Variants in SRGAP3 observed in about 807,000 individuals in gnomAD.
SRGAP3 encodes the protein SLIT-ROBO Rho GTPase activating protein 3, also known as SLIT-ROBO Rho GTPase-activating protein 3.
SRGAP3 carries 39 observed loss-of-function variants against 121.1 expected under a neutral mutation model. The observed-to-expected ratio is 0.32, with a 90% CI of 0.25 to 0.42. SRGAP3 has a LOEUF of 0.42. SRGAP3 is among the 10% of genes least tolerant of loss of function. The probability of loss-of-function intolerance (pLI) is 1.00; values close to 1 mark genes in which losing one functional copy is unlikely to be tolerated. For missense variants in SRGAP3, 1,213 were observed against 1,470.6 expected (o/e 0.82, Z 2.86); for synonymous variants, 601 against 570.0 (o/e 1.05, Z -0.77).
intron 3 of SRGAP3, among the ~76,000 whole-genome samples, chr3:9,295,072 C>A (rs1194374060): frequency 1.3e-5 from 2 of 152,094 alleles, no homozygotes; most frequent in African/African-American, 2.4e-5. Context: ...TTACTTGTTA[C>A]AAAGGCTTAT....
intron 3 of SRGAP3, among the ~76,000 whole-genome samples, chr3:9,314,584 C>T (rs780811802): frequency 1.3e-5 from 2 of 152,082 alleles, no homozygotes; most frequent in Non-Finnish European, 2.9e-5. Context: ...AGATGTAATA[C>T]TGGGTGAGTT....
At chr3:9,311,489 A>G (rs1231267275) in intron 3 of SRGAP3, among the ~76,000 whole-genome samples, 1 of 152,226 alleles carries the variant, frequency 6.6e-6, no homozygotes, top group Non-Finnish European at 1.5e-5. Context: ...CAATCCATCA[A>G]GTCTGTCGCA....
chr3:9,059,860 CT>C (rs759737370), intron 6 of SRGAP3: 10 of 324,830 alleles, frequency 3.1e-5, no homozygotes, highest in Non-Finnish European at 6.0e-5. Flanking sequence ...CTAATAACAT[CT>C]CCTTTACCAC....
chr3:9,302,579 T>A (rs1670154884), intron 3 of SRGAP3, among the ~76,000 whole-genome samples: 1 of 152,160 alleles, frequency 6.6e-6, no homozygotes, highest in Admixed American at 6.5e-5. Flanking sequence ...CTGGAGCCTG[T>A]GGGTGGCTCT....
chr3:9,282,837 T>C (rs558542391), intron 3 of SRGAP3, among the ~76,000 whole-genome samples: 1 of 152,264 alleles, frequency 6.6e-6, no homozygotes, highest in South Asian at 2.1e-4. Context: ...CTCACACAGA[T>C]AAATATAGTT....
At chr3:9,059,532 G>C (rs545404205) in intron 6 of SRGAP3, 1 of 154,402 alleles carries the variant, frequency 6.5e-6, no homozygotes, top group East Asian at 1.9e-4. Flanking sequence ...ACATGGACAG[G>C]GCCAGCTCCC....
intron 18 of SRGAP3, among the ~76,000 whole-genome samples, chr3:9,009,100 T>C (rs1210119754): frequency 2.0e-5 from 3 of 152,212 alleles, no homozygotes; most frequent in Non-Finnish European, 4.4e-5. Context: ...TTTTCAGGTA[T>C]AGGAACTTAC....
At chr3:9,249,773 G>C (rs117506849), upstream of SRGAP3, 407 of 211,208 alleles carry the variant, frequency 1.9e-3, 6 homozygotes, top group East Asian at 0.023. Flanking sequence ...AGCAAAAAGG[G>C]GAAGAAACGC....
At chr3:9,213,016 C>A (rs986129393) in intron 1 of SRGAP3, among the ~76,000 whole-genome samples, 1 of 152,180 alleles carries the variant, frequency 6.6e-6, no homozygotes, top group Non-Finnish European at 1.5e-5. Context: ...CAGCTCCATG[C>A]CGGGGCAAAT....
At chr3:9,311,574 A>G (rs919893036) in intron 3 of SRGAP3, among the ~76,000 whole-genome samples, 1 of 152,218 alleles carries the variant, frequency 6.6e-6, no homozygotes, top group African/African-American at 2.4e-5. Context: ...CTGCACCCAA[A>G]TACAACTGTA....
intron 3 of SRGAP3, among the ~76,000 whole-genome samples, chr3:9,098,497 C>T (rs891924575): frequency 4.6e-5 from 7 of 152,110 alleles, no homozygotes; most frequent in Non-Finnish European, 1.0e-4. Flanking sequence ...AACATCTGAG[C>T]TCAAGCGATC....
At chr3:9,269,272 C>T (rs868083343) in intron 3 of SRGAP3, among the ~76,000 whole-genome samples, 9 of 152,150 alleles carry the variant, frequency 5.9e-5, no homozygotes, top group Non-Finnish European at 8.8e-5. Flanking sequence ...CCAAGGAGGA[C>T]CAAAGTCAGG....
Position 9,029,062 on chromosome 3 carries a change from T to C in SRGAP3, c.1540-2067A>G, listed in dbSNP as rs1306712768. On this transcript the variant is annotated intron_variant, in intron 12 of 21. Transcript: ENST00000383836. ...AGAGTCATCTGTCCAGTTCTCAGCA[T>C]CTCGACAGCTGGAATTGTCTGCTAC... is the stretch of plus-strand genomic sequence containing the variant. 3.3e-5 allele frequency among the ~76,000 whole-genome samples: 5 copies of C among 152,134 alleles called. No homozygotes were observed. In the East Asian group the frequency reaches 9.6e-4, roughly 29 times the overall value.
chr3:9,200,354 A>G (rs941999861), intron 1 of SRGAP3, among the ~76,000 whole-genome samples: 2 of 152,160 alleles, frequency 1.3e-5, no homozygotes, highest in African/African-American at 4.8e-5. Flanking sequence ...CATTCACTCA[A>G]TATGTATTTG....
intron 3 of SRGAP3, among the ~76,000 whole-genome samples, chr3:9,097,424 A>T (rs1948030499): frequency 6.6e-6 from 1 of 152,184 alleles, no homozygotes; most frequent in African/African-American, 2.4e-5. Flanking sequence ...AAACTGAGAG[A>T]GTTTAAGGGA....
chr3:9,057,950 C>T (rs1214135986), intron 7 of SRGAP3, among the ~76,000 whole-genome samples: 2 of 152,118 alleles, frequency 1.3e-5, no homozygotes, highest in Non-Finnish European at 2.9e-5. Context: ...ACCTCACCCG[C>T]ACATGTGGGG....
intron 3 of SRGAP3, among the ~76,000 whole-genome samples, chr3:9,303,185 GAGGCCT>G (rs929801609): frequency 6.6e-6 from 1 of 152,054 alleles, no homozygotes; most frequent in Non-Finnish European, 1.5e-5. Context: ...AGCACTTTGG[GAGGCCT>G]AGGCGGGCAG....
intron 1 of SRGAP3, among the ~76,000 whole-genome samples, chr3:9,206,408 C>T (rs1321585020): frequency 6.6e-6 from 1 of 152,190 alleles, no homozygotes; most frequent in East Asian, 1.9e-4. Flanking sequence ...TTCAATATGG[C>T]TTCCCACATG....
chr3:9,182,550 A>G (rs1951447804), intron 1 of SRGAP3, among the ~76,000 whole-genome samples: 1 of 152,162 alleles, frequency 6.6e-6, no homozygotes, highest in South Asian at 2.1e-4. Flanking sequence ...ACCATGAGAC[A>G]ATACATTTCT....
Sources: gnomAD v4.1 joint callset for allele counts (sites outside exome capture counted in the v4.1 genomes callset) on GRCh38, gnomAD v4.1.1 for gene constraint, MANE v1.5 for transcripts, NCBI Gene and HGNC (gene_info 2026-07-23, HGNC 2026-07-21) for gene names.